TMEM273: variants seen among roughly 807,000 people sequenced by gnomAD.
TMEM273 encodes chromosome 10 open reading frame 128.
In TMEM273, 19 loss-of-function variants were observed where a neutral mutation model predicts 17.9. The ratio of observed to expected loss-of-function variants is 1.06; its 90% confidence interval spans 0.74 to 1.55. The LOEUF is 1.55. Ranked by LOEUF, TMEM273 falls within the 40% of genes most tolerant of loss-of-function variation. The probability of loss-of-function intolerance (pLI) is 0.00; values close to 1 mark genes in which losing one functional copy is unlikely to be tolerated. For synonymous variants in TMEM273, 66 were observed against 62.0 expected (o/e 1.07, Z -0.31); for missense variants, 194 against 155.6 (o/e 1.25, Z -1.31).
intron 1 of TMEM273, among the ~76,000 whole-genome samples, chr10:49,178,575 G>T (rs1240184348): frequency 6.6e-6 from 1 of 152,158 alleles, no homozygotes; most frequent in African/African-American, 2.4e-5. Flanking sequence ...CTCGTGACAG[G>T]TCTAGGAGGC....
At chr10:49,162,374 C>T (rs2490837) in intron 5 of TMEM273, among the ~76,000 whole-genome samples, 78,935 of 152,038 alleles carry the variant, frequency 0.52, 20,656 homozygotes, top group Non-Finnish European at 0.54. Context: ...CATATGCGTG[C>T]GCACACACAC....
chr10:49,188,390 A>G lies in TMEM273; in HGVS notation c.-54T>C. On this transcript the variant is annotated 5_prime_UTR_variant, in exon 1 of 7. Coordinates refer to ENST00000374153, the MANE Select transcript of TMEM273 (RefSeq NM_001288740.3). The stretch of plus-strand genomic sequence containing the variant: ...CCTGGCTGCTGGCAGCGCAGGCACA[A>G]TGAGCCATGTGACCCAAGGCTCTGG... 2 of 1,613,644 alleles carry G rather than the reference A, an allele frequency of 1.2e-6. No individual in the cohort carries two copies. Among genetic ancestry groups the G allele is most frequent in the South Asian group, 1.1e-5 (1 of 91,002 alleles).
intron 5 of TMEM273, among the ~76,000 whole-genome samples, chr10:49,163,675 T>TG (rs979717550): frequency 6.6e-6 from 1 of 151,566 alleles, no homozygotes; most frequent in African/African-American, 2.4e-5. Context: ...AAACTTGGGG[T>TG]GGGGGGATGA....
chr10:49,178,755 C>T (rs1026624493), intron 1 of TMEM273, among the ~76,000 whole-genome samples: 1 of 152,178 alleles, frequency 6.6e-6, no homozygotes, highest in African/African-American at 2.4e-5. Flanking sequence ...TTCTGTGAGT[C>T]CTTCGTCTCA....
intron 1 of TMEM273, among the ~76,000 whole-genome samples, chr10:49,186,794 T>C (rs1300922679): frequency 6.6e-6 from 1 of 152,232 alleles, no homozygotes; most frequent in Non-Finnish European, 1.5e-5. Context: ...CGAGCTGTGA[T>C]GCCTTGGCCC....
rs75050051 is a variant in TMEM273 at position 49,155,796 on chromosome 10, C to A, written c.*96G>T. On this transcript the variant is annotated 3_prime_UTR_variant, in exon 7 of 7. Transcript: ENST00000374153. ...AGTCCATGTGAAAGTTCATTACCAG[C>A]CTTGGGTGTTTGAATGCAGAACATC... 1.3e-6 allele frequency: 2 copies of A among 1,578,856 alleles called. No individual in the cohort carries two copies. Among genetic ancestry groups the A allele is most frequent in the Non-Finnish European group, 1.7e-6 (2 of 1,150,324 alleles).
At chr10:49,180,449 G>A (rs1265995521) in intron 1 of TMEM273, among the ~76,000 whole-genome samples, 1 of 152,184 alleles carries the variant, frequency 6.6e-6, no homozygotes, top group Non-Finnish European at 1.5e-5. Flanking sequence ...AGGTGTCAGT[G>A]GTGGCCAGAG....
chr10:49,167,787 C>T, intron 2 of TMEM273, 122 bp downstream of exon 2: 1 of 1,262,642 alleles, frequency 7.9e-7, no homozygotes. Context: ...GGTGAGGGTG[C>T]CCCTTTTCCT....
At chr10:49,177,269 T>C (rs892011384) in intron 1 of TMEM273, among the ~76,000 whole-genome samples, 2 of 152,196 alleles carry the variant, frequency 1.3e-5, no homozygotes, top group African/African-American at 4.8e-5. Context: ...GGGAATCTGG[T>C]CTTTTGGAAA....
At chr10:49,173,467 C>T (rs1378666672) in intron 1 of TMEM273, among the ~76,000 whole-genome samples, 1 of 152,316 alleles carries the variant, frequency 6.6e-6, no homozygotes, top group East Asian at 1.9e-4. Flanking sequence ...CAGGCTGCTG[C>T]TCTCTTTGCC....
intron 1 of TMEM273, among the ~76,000 whole-genome samples, chr10:49,174,899 A>G (rs7075075): frequency 0.013 from 1,962 of 152,246 alleles, 33 homozygotes; most frequent in African/African-American, 0.045. Context: ...GGAATTCCAC[A>G]TACGGCAGTC....
At chr10:49,162,389 G>A (rs1042236533) in intron 5 of TMEM273, among the ~76,000 whole-genome samples, 1 of 152,108 alleles carries the variant, frequency 6.6e-6, no homozygotes, top group Non-Finnish European at 1.5e-5. Context: ...ACACACAACA[G>A]GATTAAGGAT....
intron 2 of TMEM273, 147 bp downstream of exon 2, chr10:49,167,762 T>G (rs1846288899): frequency 1.0e-6 from 1 of 973,702 alleles, no homozygotes; most frequent in Admixed American, 2.2e-5. Context: ...TGTCAGCTGC[T>G]CTGGGGGACC....
At chr10:49,167,548 G>C (rs918799002) in intron 2 of TMEM273, among the ~76,000 whole-genome samples, 6 of 152,186 alleles carry the variant, frequency 3.9e-5, no homozygotes, top group African/African-American at 1.4e-4. Flanking sequence ...CAGCAGATGA[G>C]GCCCTTAAGG....
chr10:49,162,653 G>T (rs758655080), intron 5 of TMEM273, among the ~76,000 whole-genome samples: 1 of 152,148 alleles, frequency 6.6e-6, no homozygotes, highest in African/African-American at 2.4e-5. Flanking sequence ...GACCACAGGG[G>T]CTGAGCTGGC....
intron 6 of TMEM273, chr10:49,160,402 T>C (rs1845769430): frequency 6.6e-6 from 1 of 152,004 alleles, no homozygotes. Flanking sequence ...ATCAGACAAA[T>C]CCAGAAAATG....
At chr10:49,174,538 A>T (rs2132221963) in intron 1 of TMEM273, among the ~76,000 whole-genome samples, 1 of 151,632 alleles carries the variant, frequency 6.6e-6, no homozygotes, top group Middle Eastern at 3.4e-3. Flanking sequence ...TTCCTCAATC[A>T]CCCTCCAGTC....
intron 5 of TMEM273, among the ~76,000 whole-genome samples, chr10:49,164,659 T>C (rs1271739741): frequency 6.6e-6 from 1 of 152,186 alleles, no homozygotes; most frequent in African/African-American, 2.4e-5. Flanking sequence ...TGCATGTTTG[T>C]CAGCGGCAGG....
chr10:49,180,878 T>C (rs922992263), intron 1 of TMEM273, among the ~76,000 whole-genome samples: 1 of 152,182 alleles, frequency 6.6e-6, no homozygotes, highest in Non-Finnish European at 1.5e-5. Context: ...ATATCTACCG[T>C]CACCACACCT....
Sources: allele counts gnomAD v4.1 joint callset (sites outside exome capture counted in the v4.1 genomes callset), GRCh38; gene constraint gnomAD v4.1.1; transcripts MANE v1.5; gene names NCBI Gene and HGNC (gene_info 2026-07-23, HGNC 2026-07-21).